DLGAP2: variants seen among roughly 807,000 people sequenced by gnomAD.
DLGAP2 encodes disks large-associated protein 2.
A neutral mutation model predicts 100.3 loss-of-function variants in DLGAP2; 26 were observed. The observed-to-expected ratio is 0.26, with a 90% confidence interval of 0.19 to 0.36. DLGAP2 has a LOEUF of 0.36. Ranked by LOEUF, DLGAP2 falls within the 10% of genes least tolerant of loss-of-function variation. The pLI is 1.00. For synonymous variants in DLGAP2, 886 were observed against 630.1 expected, an observed-to-expected ratio of 1.41 and a Z score of -6.08; for missense variants, 1,858 against 1,453.2, an observed-to-expected ratio of 1.28 and a Z score of -4.53.
intron 6 of DLGAP2, among the ~76,000 whole-genome samples, chr8:1,597,173 G>C (rs928623896): frequency 6.6e-6 from 1 of 152,128 alleles, no homozygotes; most frequent in African/African-American, 2.4e-5. Flanking sequence ...TCAGATGGTC[G>C]TAGATGTGTG....
chr8:1,155,086 T>A (rs1200827938), intron 2 of DLGAP2, among the ~76,000 whole-genome samples: 1 of 152,074 alleles, frequency 6.6e-6, no homozygotes, highest in Non-Finnish European at 1.5e-5. Flanking sequence ...ACTGCCTTCG[T>A]CGGAGGGGCC....
At chr8:1,208,993 A>C (rs760911603) in intron 2 of DLGAP2, among the ~76,000 whole-genome samples, 2 of 152,180 alleles carry the variant, frequency 1.3e-5, no homozygotes, top group Non-Finnish European at 2.9e-5. Flanking sequence ...TGATGAAAGA[A>C]ATCATAGATG....
At chr8:1,326,850 T>G (rs755294155) in intron 3 of DLGAP2, among the ~76,000 whole-genome samples, 1 of 152,258 alleles carries the variant, frequency 6.6e-6, no homozygotes, top group Non-Finnish European at 1.5e-5. Context: ...CCCTTTGGTG[T>G]TGTAGTATAT....
At chr8:1,379,508 C>T (rs1563116240) in intron 3 of DLGAP2, 3 of 152,314 alleles carry the variant, frequency 2.0e-5, no homozygotes, top group Admixed American at 6.5e-5. Context: ...ACTCATTCAC[C>T]GAGCCACCAT....
At chr8:887,441 C>G (rs1797944937) in intron 1 of DLGAP2, among the ~76,000 whole-genome samples, 1 of 152,150 alleles carries the variant, frequency 6.6e-6, no homozygotes, top group South Asian at 2.1e-4. Context: ...ATTTTCCACA[C>G]TAGTTGATGC....
intron 3 of DLGAP2, among the ~76,000 whole-genome samples, chr8:1,322,841 T>C (rs1339949848): frequency 1.3e-5 from 2 of 152,214 alleles, no homozygotes; most frequent in Non-Finnish European, 2.9e-5. Flanking sequence ...CCTATATTTG[T>C]AGGTTTCTAT....
intron 6 of DLGAP2, among the ~76,000 whole-genome samples, chr8:1,619,376 C>T (rs563836588): frequency 1.3e-5 from 2 of 152,336 alleles, no homozygotes; most frequent in East Asian, 3.9e-4. Flanking sequence ...TCAAAACTCA[C>T]TGAGTCCTAC....
At chr8:1,320,985 G>C (rs574872903) in intron 3 of DLGAP2, among the ~76,000 whole-genome samples, 1 of 151,960 alleles carries the variant, frequency 6.6e-6, no homozygotes, top group Non-Finnish European at 1.5e-5. Context: ...ACATGTGTGC[G>C]TGCATCCGTG....
chr8:1,152,594 T>TG (rs35230945), intron 2 of DLGAP2, among the ~76,000 whole-genome samples: 34,880 of 152,108 alleles, frequency 0.23, 4,160 homozygotes, highest in Middle Eastern at 0.34. Context: ...AATGATGTCA[T>TG]GGGGGGCCCA....
chr8:778,362 C>A (rs549776344), intron 1 of DLGAP2, among the ~76,000 whole-genome samples: 2 of 152,364 alleles, frequency 1.3e-5, no homozygotes, highest in Admixed American at 1.3e-4. Context: ...AGTCATTCTC[C>A]GTCCAGCTTT....
chr8:1,098,614 C>T (rs2129043174), intron 2 of DLGAP2, among the ~76,000 whole-genome samples: 1 of 112,370 alleles, frequency 8.9e-6, no homozygotes, highest in Middle Eastern at 5.4e-3. Flanking sequence ...CGCCCACGGG[C>T]GCCGCCACCC....
chr8:980,883 A>C (rs1417688852), intron 2 of DLGAP2, among the ~76,000 whole-genome samples: 1 of 152,202 alleles, frequency 6.6e-6, no homozygotes, highest in African/African-American at 2.4e-5. Flanking sequence ...CTGGAATTCT[A>C]GACTGAGGAG....
intron 6 of DLGAP2, among the ~76,000 whole-genome samples, chr8:1,591,571 T>C (rs1796292034): frequency 6.6e-6 from 1 of 152,012 alleles, no homozygotes; most frequent in Admixed American, 6.6e-5. Flanking sequence ...CCCTGCAGCC[T>C]ATTTGTGGGG....
chr8:986,549 T>TGA (rs1412662764), intron 2 of DLGAP2, among the ~76,000 whole-genome samples: 1 of 151,880 alleles, frequency 6.6e-6, no homozygotes, highest in Non-Finnish European at 1.5e-5. Flanking sequence ...TTCCAATTAC[T>TGA]GAGAGAGAGA....
At chr8:1,112,062 C>T (rs1192824282) in intron 2 of DLGAP2, among the ~76,000 whole-genome samples, 1 of 152,024 alleles carries the variant, frequency 6.6e-6, no homozygotes, top group Non-Finnish European at 1.5e-5. Flanking sequence ...ACAACCTCAC[C>T]AGCATCCGTT....
At chr8:1,047,988 T>C (rs1053545553) in intron 2 of DLGAP2, among the ~76,000 whole-genome samples, 26 of 152,204 alleles carry the variant, frequency 1.7e-4, no homozygotes, top group Non-Finnish European at 2.8e-4. Context: ...TTGAAAACCT[T>C]AGACCGTTAA....
chr8:848,126 T>C (rs533448116), intron 1 of DLGAP2, among the ~76,000 whole-genome samples: 1 of 152,328 alleles, frequency 6.6e-6, no homozygotes, highest in African/African-American at 2.4e-5. Context: ...TTTTCCAAAA[T>C]GTGACATAGA....
chr8:1,630,886 G>A (rs904496942), intron 7 of DLGAP2, among the ~76,000 whole-genome samples: 7 of 139,656 alleles, frequency 5.0e-5, no homozygotes, highest in Admixed American at 2.0e-4. Flanking sequence ...GGGTCTCGGC[G>A]GGAGGTCCGG....
At chr8:1,256,434 CTGTCCTCTCCTGCCCAGGTGCTGTGCG>C (rs1304754559) in intron 2 of DLGAP2, among the ~76,000 whole-genome samples, 1 of 121,782 alleles carries the variant, frequency 8.2e-6, no homozygotes, top group Non-Finnish European at 1.6e-5. Context: ...CGCTGTGCGT[CTGTCCTCTCCTGCCCAGGTGCTGTGCG>C]TGTCCTCTCC....
Sources: gnomAD v4.1 joint callset for allele counts (sites outside exome capture counted in the v4.1 genomes callset) on GRCh38, gnomAD v4.1.1 for gene constraint, MANE v1.5 for transcripts, NCBI Gene and HGNC (gene_info 2026-07-23, HGNC 2026-07-21) for gene names.